The following CPS1 variants were observed in gnomAD, a reference collection of about 807,000 sequenced individuals.
The protein encoded by CPS1 is carbamoyl-phosphate synthase 1.
CPS1 carries 109 observed loss-of-function variants against 174.6 expected under a neutral mutation model. The ratio of observed to expected loss-of-function variants is 0.62; its 90% CI spans 0.53 to 0.73. The LOEUF is 0.73. Ranked by LOEUF, CPS1 falls within the 30% of genes least tolerant of loss-of-function variation. The pLI, the probability that CPS1 is intolerant of heterozygous loss-of-function variation, is 0.00. For synonymous variants in CPS1, 637 were observed against 632.0 expected (o/e 1.01, Z -0.12); for missense variants, 1,689 against 1,821.9 (o/e 0.93, Z 1.33).
chr2:210,490,794 A>G (rs745488030), intron 1 of CPS1, among the ~76,000 whole-genome samples: 5 of 152,252 alleles, frequency 3.3e-5, no homozygotes, highest in Admixed American at 6.5e-5. Flanking sequence ...CATGTACACA[A>G]TGAAACTGTT....
intron 1 of CPS1, among the ~76,000 whole-genome samples, chr2:210,545,325 G>T (rs1004867137): frequency 2.0e-5 from 3 of 152,012 alleles, no homozygotes; most frequent in Admixed American, 2.0e-4. Context: ...CAATTAATTG[G>T]ATTCTGATAA....
intron 1 of CPS1, among the ~76,000 whole-genome samples, chr2:210,491,529 G>C (rs990745749): frequency 2.0e-5 from 3 of 151,944 alleles, no homozygotes; most frequent in Non-Finnish European, 4.4e-5. Context: ...TAGCCAGGAT[G>C]GTCTCTATCT....
At chr2:210,627,240 A>T (rs1242222385) in intron 21 of CPS1, among the ~76,000 whole-genome samples, 1 of 152,196 alleles carries the variant, frequency 6.6e-6, no homozygotes, top group East Asian at 1.9e-4. Context: ...ACCTTTGAAA[A>T]ATGTAAACAG....
At position 210,519,274 on chromosome 2, in the gene CPS1, A is replaced by G. The variant is rs186952036; in HGVS notation, c.4-37445A>G. ...AATCCCACTTTCTGAAACTACAGAT[A>G]AGTTATATGAAAATTCTTTAAAAAT... On this transcript the variant is annotated intron_variant, in intron 1 of 38. Transcript: ENST00000430249. 2.0e-5 allele frequency among the ~76,000 whole-genome samples: 3 copies of G among 152,172 alleles called. No homozygotes were observed. In the East Asian group the frequency reaches 5.8e-4, roughly 30 times the overall value.
At chr2:210,565,962 C>T (rs567863208) in intron 1 of CPS1, among the ~76,000 whole-genome samples, 61 of 152,256 alleles carry the variant, frequency 4.0e-4, no homozygotes, top group African/African-American at 1.4e-3. Context: ...TAGAACTGGA[C>T]AGAGAACTAA....
intron 1 of CPS1, among the ~76,000 whole-genome samples, chr2:210,536,515 A>G (rs1225487787): frequency 6.6e-6 from 1 of 152,012 alleles, no homozygotes; most frequent in East Asian, 1.9e-4. Context: ...AGTAGAGACG[A>G]CAGGGTTTCA....
rs66825517 is a variant in CPS1 at position 210,491,307 on chromosome 2, G to GTTTTTTTTTT, written c.3+13563_3+13572dup. On this transcript the variant is annotated intron_variant, in intron 1 of 38. Transcript: ENST00000430249. ...GTAAAAGCATGTATTTGGTATCTGTGTTTTTTTTTTTTTTTTTTTTTTTTT... is the reference window on the plus strand; with the variant it reads ...GTAAAAGCATGTATTTGGTATCTGTGTTTTTTTTTTTTTTTTTTTTTTTTTTTTTTTTTTT... Among the ~76,000 whole-genome samples, 30 of 50,352 alleles carry GTTTTTTTTTT rather than the reference G, an allele frequency of 6.0e-4. 6 individuals are homozygous for GTTTTTTTTTT. Among genetic ancestry groups the GTTTTTTTTTT allele is most frequent in the African/African-American group, 2.6e-3 (26 of 9,982 alleles). The allele number at this position is 50,352 out of a possible 152,430, so 33.0% of individuals were successfully genotyped here.
intron 1 of CPS1, among the ~76,000 whole-genome samples, chr2:210,538,937 C>A (rs1696330211): frequency 6.6e-6 from 1 of 151,986 alleles, no homozygotes; most frequent in African/African-American, 2.4e-5. Context: ...TATGATAATA[C>A]CCCTTCAGAC....
At chr2:210,653,832 T>G (rs1346390739) in intron 28 of CPS1, among the ~76,000 whole-genome samples, 193 bp from the exon 29 acceptor site, 1 of 152,222 alleles carries the variant, frequency 6.6e-6, no homozygotes, top group African/African-American at 2.4e-5. Context: ...AAAGACCCTC[T>G]GCCTCACTAC....
At position 210,571,743 on chromosome 2, in the gene CPS1, C is replaced by T. The variant is rs911334466; in HGVS notation, c.127-1555C>T. On this transcript the variant is annotated intron_variant, in intron 1 of 37. Coordinates refer to ENST00000233072, the MANE Select transcript of CPS1 (RefSeq NM_001875.5). ...AGAGAGAATTATTATAGAAAAATAA[C>T]GGGCTTTCTTCATTTTAACATTTGA... 4.0e-5 allele frequency among the ~76,000 whole-genome samples: 6 copies of T among 151,766 alleles called. No homozygotes were observed. The South Asian group carries it at 6.2e-4, about 16-fold the overall frequency.
chr2:210,631,389 A>G (rs1699864995), intron 21 of CPS1: 1 of 152,188 alleles, frequency 6.6e-6, no homozygotes. Context: ...ACAGGGAGGA[A>G]TTTTAAACAA....
chr2:210,573,515 A>C, intron 2 of CPS1, 108 bp downstream of exon 2: 1 of 882,856 alleles, frequency 1.1e-6, no homozygotes, highest in Non-Finnish European at 1.9e-6. Flanking sequence ...AAGACTACGT[A>C]TTGTCCTGAA....
At chr2:210,621,692 G>A (rs902252480) in intron 21 of CPS1, among the ~76,000 whole-genome samples, 1 of 151,948 alleles carries the variant, frequency 6.6e-6, no homozygotes, top group Admixed American at 6.6e-5. Context: ...AGGAAATGCA[G>A]GTACCATAAA....
At chr2:210,502,964 A>T (rs1037842894) in intron 1 of CPS1, among the ~76,000 whole-genome samples, 1 of 152,078 alleles carries the variant, frequency 6.6e-6, no homozygotes, top group African/African-American at 2.4e-5. Flanking sequence ...AGACATTCTG[A>T]TTCCTTTTAT....
chr2:210,640,661 A>C (rs948470142), intron 24 of CPS1, among the ~76,000 whole-genome samples: 2 of 152,232 alleles, frequency 1.3e-5, no homozygotes, highest in Non-Finnish European at 2.9e-5. Context: ...ATTAGTCAAC[A>C]TATGGATTTA....
intron 1 of CPS1, among the ~76,000 whole-genome samples, chr2:210,495,439 A>G (rs887730897): frequency 6.6e-6 from 1 of 152,202 alleles, no homozygotes; most frequent in African/African-American, 2.4e-5. Flanking sequence ...ATTTTAATGT[A>G]TAATTACTGA....
At chr2:210,483,575 C>A (rs1694634022) in intron 1 of CPS1, among the ~76,000 whole-genome samples, 1 of 152,280 alleles carries the variant, frequency 6.6e-6, no homozygotes, top group South Asian at 2.1e-4. Context: ...ATTTCCTCGC[C>A]CTTTTCTCCC....
intron 1 of CPS1, among the ~76,000 whole-genome samples, chr2:210,571,839 T>C (rs1052740974): frequency 2.0e-5 from 3 of 150,712 alleles, no homozygotes; most frequent in Admixed American, 6.6e-5. Context: ...ATGGAGTTCC[T>C]GCTGCCTACT....
chr2:210,594,166 A>G (rs939732158), intron 11 of CPS1, among the ~76,000 whole-genome samples: 1 of 151,910 alleles, frequency 6.6e-6, no homozygotes, highest in East Asian at 1.9e-4. Flanking sequence ...ATCATAAGTG[A>G]TATAGCTTCA....
Sources: gnomAD v4.1 joint callset for allele counts (sites outside exome capture counted in the v4.1 genomes callset) on GRCh38, gnomAD v4.1.1 for gene constraint, MANE v1.5 for transcripts, NCBI Gene and HGNC (gene_info 2026-07-23, HGNC 2026-07-21) for gene names.